The following THUMPD1 variants were observed in gnomAD, a reference collection of about 807,000 sequenced individuals.
THUMPD1 encodes the protein THUMP domain 1 NAT10 acetyltransferase adaptor, also known as THUMP domain-containing protein 1.
A neutral mutation model predicts 31.6 loss-of-function variants in THUMPD1; 31 were observed. The ratio of observed to expected loss-of-function variants is 0.98; its 90% CI spans 0.74 to 1.32. THUMPD1 has a LOEUF of 1.32. Ranked by LOEUF, THUMPD1 falls within the 40% of genes most tolerant of loss-of-function variation. THUMPD1 has a pLI of 0.00. For synonymous variants in THUMPD1, 166 were observed against 158.2 expected, an observed-to-expected ratio of 1.05 and a Z score of -0.37; for missense variants, 446 against 427.8, an observed-to-expected ratio of 1.04 and a Z score of -0.38.
chr16:20,737,860 GTGC>G lies in THUMPD1; in HGVS notation c.500_502del (p.Gly167_Thr168delinsAla). 6.2e-7 allele frequency: 1 copy of G among 1,613,784 alleles called. No individual in the cohort carries two copies. ...CATATCTTCTAAAAAAGCCTTGCAT[GTGC>G]CTGAGATGGGTAACATTCGCAAAAT... is the stretch of plus-strand genomic sequence containing the variant. On this transcript the variant is annotated inframe_deletion, in exon 3 of 4. Transcript: ENST00000396083.
At position 20,738,882 on chromosome 16, in the gene THUMPD1, A is replaced by C; in HGVS notation, c.406+15T>G. 6.2e-7 allele frequency: 1 copy of C among 1,612,700 alleles called. No individual in the cohort carries two copies. The highest frequency in any genetic ancestry group is 1.7e-5 in the Admixed American group (1 of 59,936). On this transcript the variant is annotated intron_variant, in intron 2 of 3. Transcript: ENST00000396083. ...ATGTTATGAGATCGATAATCTTAGC[A>C]AGTATTTGTCACACCTATCCCAAGT...
Position 20,736,203 on chromosome 16 carries a change from C to A in THUMPD1, c.*677G>T, listed in dbSNP as rs1255325261. ...AGCTTTCTTTATTAAGACAGAATTT[C>A]TTTGTGTCCCTTGTTGCACTAGTAT... On this transcript the variant is annotated 3_prime_UTR_variant, in exon 4 of 4. Transcript: ENST00000396083. 2 of 152,058 alleles carry A rather than the reference C, an allele frequency of 1.3e-5. No homozygotes were observed. The highest frequency in any genetic ancestry group is 2.9e-5 in the Non-Finnish European group (2 of 68,008). 9.4% of individuals were successfully genotyped at this position (152,058 alleles called of 1,614,324 possible).
At chr16:20,738,160 T>C in intron 2 of THUMPD1, 1 of 644,318 alleles carries the variant, frequency 1.6e-6, no homozygotes, top group Non-Finnish European at 2.8e-6. Flanking sequence ...TATTTTAACT[T>C]TTCATCATTA....
Position 20,737,033 on chromosome 16 carries a change from T to C in THUMPD1, c.909A>G (p.Gly303=), listed in dbSNP as rs1483499193. 2.5e-6 allele frequency: 4 copies of C among 1,614,204 alleles called. No homozygotes were observed. In the South Asian group the frequency reaches 3.3e-5, roughly 13 times the overall value. Residue 303 remains glycine (G), a synonymous_variant, in exon 4 of 4, where the codon GGA becomes GGG. Coordinates refer to ENST00000396083, the MANE Select transcript of THUMPD1 (RefSeq NM_017736.5). ...TCTCTGGTACCTGCTGGTTATTTTT[T>C]CCTTCTGCTGTGTTGTTTTGGTCTG... ...DKSDQNNTAE[G]KNNQQVPENT...
chr16:20,737,865 T>C lies in THUMPD1; in HGVS notation c.498A>G (p.Ser166=), dbSNP rs1270628601. 3 of 1,613,856 alleles carry C rather than the reference T, an allele frequency of 1.9e-6. No homozygotes were observed. Among genetic ancestry groups the C allele is most frequent in the Non-Finnish European group, 2.5e-6 (3 of 1,179,932 alleles). ...CTTCTAAAAAAGCCTTGCATGTGCC[T>C]GAGATGGGTAACATTCGCAAAATAA... ...TRVILRMLPI[S]GTCKAFLEDM... is the part of the protein sequence containing the mutation. Residue 166 remains serine (S), a synonymous_variant, in exon 3 of 4, where the codon TCA becomes TCG. Transcript: ENST00000396083.
chr16:20,739,379 T>C (rs2079898474), intron 1 of THUMPD1, among the ~76,000 whole-genome samples: 1 of 152,004 alleles, frequency 6.6e-6, no homozygotes. Flanking sequence ...TTTCGCCATG[T>C]TGGTCAGGCT....
At position 20,741,793 on chromosome 16, in the gene THUMPD1, C is replaced by T. The variant is rs1373100661; in HGVS notation, c.-54G>A. On this transcript the variant is annotated 5_prime_UTR_variant, in exon 1 of 4. Coordinates refer to ENST00000396083, the MANE Select transcript of THUMPD1 (RefSeq NM_017736.5). Reference sequence around the variant, plus strand: ...ACGTTTCTCCGCTGCTGTTGGCGTCCTCGTCTATCGCCGGCGCGAACTGGT... The same window carrying T: ...ACGTTTCTCCGCTGCTGTTGGCGTCTTCGTCTATCGCCGGCGCGAACTGGT... 3.9e-6 allele frequency: 6 copies of T among 1,547,322 alleles called. No individual in the cohort carries two copies. Among genetic ancestry groups the T allele is most frequent in the South Asian group, 1.2e-5 (1 of 84,054 alleles).
chr16:20,741,451 C>A, intron 1 of THUMPD1, 58 bp downstream of exon 1: 1 of 1,473,434 alleles, frequency 6.8e-7, no homozygotes, highest in Non-Finnish European at 9.0e-7. Flanking sequence ...TCCCTCCACC[C>A]TTCCCTCCTC....
Position 20,741,482 on chromosome 16 carries a change from C to T in THUMPD1, c.231+27G>A, listed in dbSNP as rs746723822. 138 of 160,812 alleles carry T rather than the reference C, an allele frequency of 8.6e-4. 2 individuals are homozygous for T. The highest frequency in any genetic ancestry group is 2.5e-3 in the Middle Eastern group (1 of 402). 10.0% of individuals were successfully genotyped at this position (160,812 alleles called of 1,614,324 possible). A position where few individuals can be genotyped will look rare whatever the true frequency, so the allele number is the denominator to read the frequency against. ...TCCTCCCGCAAGGCCTGGCAGCCGGCCCGCCCGCCCACCCCGGGACCGGTA... is the reference window on the plus strand; with the variant it reads ...TCCTCCCGCAAGGCCTGGCAGCCGGTCCGCCCGCCCACCCCGGGACCGGTA... On this transcript the variant is annotated intron_variant, in intron 1 of 3. Coordinates refer to ENST00000396083, the MANE Select transcript of THUMPD1 (RefSeq NM_017736.5).
In THUMPD1 at chr16:20,737,329, T is replaced by C. The variant is rs866130055; in HGVS notation, c.656-43A>G. 7 of 1,542,502 alleles carry C rather than the reference T, an allele frequency of 4.5e-6. 1 individual carries two copies. The Middle Eastern group carries it at 1.2e-3, about 270-fold the overall frequency. ...AAACACATAGCTGAGGAGGATACCA[T>C]TACATCTGATAGATACAAAAAATCT... On this transcript the variant is annotated intron_variant, in intron 3 of 3. Coordinates refer to ENST00000396083, the MANE Select transcript of THUMPD1 (RefSeq NM_017736.5).
chr16:20,739,028 T>A lies in THUMPD1; in HGVS notation c.275A>T (p.Asp92Val). 1.9e-6 allele frequency: 3 copies of A among 1,614,196 alleles called. No individual in the cohort carries two copies. The highest frequency in any genetic ancestry group is 2.5e-6 in the Non-Finnish European group (3 of 1,180,028). Reference protein sequence around the residue: ...DQQPSGSEGEDDDAEAALKKE... With the variant: ...DQQPSGSEGEVDDAEAALKKE... ...CTTCAAGGCAGCCTCCGCATCATCATCCTCTCCCTCACTTCCAGAGGGCTG... is the reference window on the plus strand; with the variant it reads ...CTTCAAGGCAGCCTCCGCATCATCAACCTCTCCCTCACTTCCAGAGGGCTG... Residue 92 changes from aspartate to valine, a missense_variant, in exon 2 of 4, where the codon GAT becomes GTT. Transcript: ENST00000396083.
chr16:20,741,807 G>T lies in THUMPD1; in HGVS notation c.-68C>A. On this transcript the variant is annotated 5_prime_UTR_variant, in exon 1 of 4. Transcript: ENST00000396083. Reference sequence around the variant, plus strand: ...CTGTTGGCGTCCTCGTCTATCGCCGGCGCGAACTGGTGACGTCGGATATGA... The same window carrying T: ...CTGTTGGCGTCCTCGTCTATCGCCGTCGCGAACTGGTGACGTCGGATATGA... The T allele has an allele frequency of 6.5e-7, 1 of 1,543,444 alleles. No homozygotes were observed. The highest frequency in any genetic ancestry group is 8.7e-7 in the Non-Finnish European group (1 of 1,146,828).
Position 20,737,747 on chromosome 16 carries a change from T to A in THUMPD1, c.616A>T (p.Ser206Cys). ...ATAACTTCTTCTCTATTCACATGAC[T>A]GTTATTTCGAGATTTGTACACAATC... ...FQIVYKSRNN[S>C]HVNREEVIRE... The change falls in exon 3 of 4, where the codon AGT (serine) becomes TGT (cysteine). Residue 206 changes from serine (S) to cysteine (C), a missense_variant. By Grantham distance (112) the Ser-to-Cys change is moderately radical. Coordinates refer to ENST00000396083, the MANE Select transcript of THUMPD1 (RefSeq NM_017736.5). 16 of 1,613,684 alleles carry A rather than the reference T, an allele frequency of 9.9e-6. No homozygotes were observed. The highest frequency in any genetic ancestry group is 1.4e-5 in the Non-Finnish European group (16 of 1,179,832).
At chr16:20,739,813 T>A (rs2079901961) in intron 1 of THUMPD1, among the ~76,000 whole-genome samples, 1 of 141,168 alleles carries the variant, frequency 7.1e-6, no homozygotes, top group South Asian at 2.3e-4. Flanking sequence ...AGAGCAAGAC[T>A]CTGTCTCAAA....
Position 20,736,849 on chromosome 16 carries a change from G to T in THUMPD1, c.*31C>A, listed in dbSNP as rs1378494979. ...AGCAACATCTCGTAGAGCCCCAGGT[G>T]AGAAACCCACCTCCAACACCAAATG... On this transcript the variant is annotated 3_prime_UTR_variant, in exon 4 of 4. Coordinates refer to ENST00000396083, the MANE Select transcript of THUMPD1 (RefSeq NM_017736.5). The T allele has an allele frequency of 1.9e-6, 3 of 1,603,430 alleles. No individual in the cohort carries two copies. In the South Asian group the frequency reaches 3.3e-5, roughly 18 times the overall value.
intron 1 of THUMPD1, among the ~76,000 whole-genome samples, chr16:20,739,876 T>C (rs908455036): frequency 4.0e-5 from 6 of 151,166 alleles, no homozygotes; most frequent in Admixed American, 1.3e-4. Flanking sequence ...CCGCAGACTA[T>C]AGAATGTAAA....
Position 20,741,804 on chromosome 16 carries a change from C to T in THUMPD1, c.-65G>A, listed in dbSNP as rs1304314076. On this transcript the variant is annotated 5_prime_UTR_variant, in exon 1 of 4. Coordinates refer to ENST00000396083, the MANE Select transcript of THUMPD1 (RefSeq NM_017736.5). ...CTGCTGTTGGCGTCCTCGTCTATCG[C>T]CGGCGCGAACTGGTGACGTCGGATA... is the stretch of plus-strand genomic sequence containing the variant. 2 of 1,543,854 alleles carry T rather than the reference C, an allele frequency of 1.3e-6. No individual in the cohort carries two copies. The highest frequency in any genetic ancestry group is 1.2e-5 in the South Asian group (1 of 84,020).
At chr16:20,740,334 G>A (rs1366575211) in intron 1 of THUMPD1, among the ~76,000 whole-genome samples, 2 of 152,218 alleles carry the variant, frequency 1.3e-5, no homozygotes, top group Non-Finnish European at 2.9e-5. Flanking sequence ...GGTGGAAGTT[G>A]CAGTGAGCAA....
intron 2 of THUMPD1, chr16:20,738,208 C>A: frequency 3.8e-6 from 2 of 527,376 alleles, no homozygotes; most frequent in African/African-American, 1.9e-5. Context: ...TAGGTAGACA[C>A]CGTTGTTAAC....
Sources: gnomAD v4.1 joint callset for allele counts (sites outside exome capture counted in the v4.1 genomes callset) on GRCh38, gnomAD v4.1.1 for gene constraint, MANE v1.5 for transcripts, NCBI Gene and HGNC (gene_info 2026-07-23, HGNC 2026-07-21) for gene names.